Variants in ZW10 observed in about 807,000 individuals in gnomAD.
ZW10 encodes centromere/kinetochore protein zw10 homolog.
In ZW10, 53 loss-of-function variants were observed where a neutral mutation model predicts 87.8. That is an observed-to-expected ratio of 0.60 (90% CI 0.48 to 0.76). The LOEUF (loss-of-function observed/expected upper bound fraction) is 0.76, where lower values mean the gene tolerates loss of function less well. Ranked by LOEUF, ZW10 falls within the 30% of genes least tolerant of loss-of-function variation. The pLI, the probability that ZW10 is intolerant of heterozygous loss-of-function variation, is 0.00. For synonymous variants in ZW10, 312 were observed against 329.2 expected (o/e 0.95, Z 0.57); for missense variants, 837 against 923.0 (o/e 0.91, Z 1.21).
chr11:113,756,836 G>C (rs550631014), intron 7 of ZW10, among the ~76,000 whole-genome samples: 1 of 152,114 alleles, frequency 6.6e-6, no homozygotes, highest in East Asian at 1.9e-4. Flanking sequence ...TCCTCCCTAA[G>C]GGAAGGCTCT....
At chr11:113,768,590 T>G (rs1441898691) in intron 2 of ZW10, among the ~76,000 whole-genome samples, 1 of 152,196 alleles carries the variant, frequency 6.6e-6, no homozygotes, top group African/African-American at 2.4e-5. Context: ...AGTGCTGGGA[T>G]TACAGGCATG....
At chr11:113,759,335 G>C (rs923413912) in intron 5 of ZW10, among the ~76,000 whole-genome samples, 1 of 151,978 alleles carries the variant, frequency 6.6e-6, no homozygotes, top group South Asian at 2.1e-4. Flanking sequence ...TATTCTACTT[G>C]AGAACAGAAT....
In ZW10 at chr11:113,747,639, C is replaced by T; in HGVS notation, c.1164G>A (p.Leu388=). The part of the protein sequence containing the change: ...MRFLKGDTTD[L]LKYARNINSH... Reference sequence around the variant, plus strand: ...AATTGATGTTACGAGCGTATTTCAGCAAATCTGTAGTATCTCCTTTTAAAA... The same window carrying T: ...AATTGATGTTACGAGCGTATTTCAGTAAATCTGTAGTATCTCCTTTTAAAA... Residue 388 remains leucine, a synonymous_variant, in exon 9 of 16, where the codon TTG becomes TTA. Coordinates refer to ENST00000200135, the MANE Select transcript of ZW10 (RefSeq NM_004724.4). The T allele has an allele frequency of 6.2e-7, 1 of 1,613,684 alleles. No homozygotes were observed. The highest frequency in any genetic ancestry group is 1.3e-5 in the African/African-American group (1 of 75,012).
chr11:113,742,390 A>G (rs1953629789), intron 10 of ZW10, among the ~76,000 whole-genome samples: 1 of 152,242 alleles, frequency 6.6e-6, no homozygotes, highest in African/African-American at 2.4e-5. Context: ...ACGTACCTTA[A>G]AAGCTTACAG....
chr11:113,757,018 T>C (rs768184972), intron 7 of ZW10, among the ~76,000 whole-genome samples: 2 of 152,112 alleles, frequency 1.3e-5, no homozygotes, highest in Non-Finnish European at 2.9e-5. Context: ...GGAGCATTTC[T>C]TTTTTACTTT....
At chr11:113,749,683 A>C (rs1315028193) in intron 7 of ZW10, among the ~76,000 whole-genome samples, 2 of 152,186 alleles carry the variant, frequency 1.3e-5, no homozygotes, top group Non-Finnish European at 2.9e-5. Flanking sequence ...GAGGCACGAG[A>C]CCTCTCTGTA....
At position 113,758,712 on chromosome 11, in the gene ZW10, A is replaced by C. The variant is rs778627339; in HGVS notation, c.581-6T>G. 20 of 1,613,406 alleles carry C rather than the reference A, an allele frequency of 1.2e-5. No homozygotes were observed. Among genetic ancestry groups the C allele is most frequent in the Non-Finnish European group, 1.6e-5 (19 of 1,179,734 alleles). On this transcript the variant is annotated splice_polypyrimidine_tract_variant and splice_region_variant and intron_variant, in intron 5 of 15. Coordinates refer to ENST00000200135, the MANE Select transcript of ZW10 (RefSeq NM_004724.4). Reference sequence around the variant, plus strand: ...AGATTCCAAACTGCTGGTATCTAAGAAAAAGGAAGAAAAATATCAGCTGTC... The same window carrying C: ...AGATTCCAAACTGCTGGTATCTAAGCAAAAGGAAGAAAAATATCAGCTGTC...
At chr11:113,749,147 C>G (rs1953710573) in intron 7 of ZW10, among the ~76,000 whole-genome samples, 1 of 151,944 alleles carries the variant, frequency 6.6e-6, no homozygotes, top group African/African-American at 2.4e-5. Context: ...TCAAATCCAG[C>G]CTGGGCAACA....
At chr11:113,741,203 C>T (rs918930859) in intron 11 of ZW10, among the ~76,000 whole-genome samples, 3 of 151,778 alleles carry the variant, frequency 2.0e-5, no homozygotes, top group African/African-American at 4.8e-5. Context: ...TAATCTCAAA[C>T]TTCTGGCCTC....
intron 1 of ZW10, chr11:113,769,784 C>A: frequency 2.4e-6 from 1 of 423,972 alleles, no homozygotes; most frequent in Non-Finnish European, 4.6e-6. Flanking sequence ...TTTGCCATAC[C>A]AACTAAGCTG....
intron 2 of ZW10, among the ~76,000 whole-genome samples, chr11:113,762,202 C>T (rs528508732): frequency 1.3e-5 from 2 of 152,286 alleles, no homozygotes; most frequent in East Asian, 1.9e-4. Context: ...TAAACCCATA[C>T]AGCATGTTAC....
At chr11:113,743,147 G>A (rs17115920) in intron 10 of ZW10, among the ~76,000 whole-genome samples, 22,770 of 152,184 alleles carry the variant, frequency 0.15, 1,815 homozygotes, top group South Asian at 0.2. Flanking sequence ...TTAAGGTAAC[G>A]TGAATGCAAT....
chr11:113,758,347 CAA>C (rs561325713), intron 6 of ZW10, among the ~76,000 whole-genome samples: 1 of 109,190 alleles, frequency 9.2e-6, no homozygotes. Flanking sequence ...ATTCAAAAAC[CAA>C]AAAAAAAAAT....
intron 7 of ZW10, 77 bp from the exon 8 acceptor site, chr11:113,748,497 C>G: frequency 7.6e-7 from 1 of 1,319,014 alleles, no homozygotes; most frequent in African/African-American, 1.5e-5. Flanking sequence ...TTCTAGAATT[C>G]TTTAATTTTA....
At chr11:113,773,229 T>C (rs1374358359) in intron 1 of ZW10, among the ~76,000 whole-genome samples, 1 of 151,728 alleles carries the variant, frequency 6.6e-6, no homozygotes, top group Non-Finnish European at 1.5e-5. Flanking sequence ...TGCTGGTCTC[T>C]TCAGTCTCCC....
At position 113,733,829 on chromosome 11, in the gene ZW10, A is replaced by C; in HGVS notation, c.2220-15T>G. ...CATCTGCCCACCTGCAAAACGAAAG[A>C]TAGAGTTCCATTTCCTATTAGGTCT... On this transcript the variant is annotated splice_polypyrimidine_tract_variant and intron_variant, in intron 15 of 15. Coordinates refer to ENST00000200135, the MANE Select transcript of ZW10 (RefSeq NM_004724.4). The C allele has an allele frequency of 6.3e-7, 1 of 1,587,128 alleles. No individual in the cohort carries two copies. The highest frequency in any genetic ancestry group is 8.6e-7 in the Non-Finnish European group (1 of 1,166,984).
chr11:113,748,885 G>A (rs568369282), intron 7 of ZW10, among the ~76,000 whole-genome samples: 34 of 152,278 alleles, frequency 2.2e-4, no homozygotes, highest in Middle Eastern at 3.4e-3. Context: ...CTCCTCTACA[G>A]TATATGTTAT....
Position 113,760,634 on chromosome 11 carries a change from G to T in ZW10, c.343-44C>A, listed in dbSNP as rs1591420698. The T allele has an allele frequency of 3.3e-6, 5 of 1,494,766 alleles. No individual in the cohort carries two copies. In the East Asian group the frequency reaches 9.1e-5, roughly 27 times the overall value. The allele number at this position is 1,494,766 out of a possible 1,614,324, so 92.6% of individuals were successfully genotyped here. A position where few individuals can be genotyped will look rare whatever the true frequency, so the allele number is the denominator to read the frequency against. ...TATTTTATACATCCTATTATTTCAA[G>T]TCTGTTTGCTTTTAAACATTAAGAA... On this transcript the variant is annotated intron_variant, in intron 3 of 15. Transcript: ENST00000200135.
intron 1 of ZW10, among the ~76,000 whole-genome samples, chr11:113,772,603 T>A (rs1167136585): frequency 2.6e-5 from 4 of 152,106 alleles, no homozygotes; most frequent in Non-Finnish European, 4.4e-5. Flanking sequence ...TTTGTATCAA[T>A]CTCAAGGCAG....
Sources: allele counts gnomAD v4.1 joint callset (sites outside exome capture counted in the v4.1 genomes callset), GRCh38; gene constraint gnomAD v4.1.1; transcripts MANE v1.5; gene names NCBI Gene and HGNC (gene_info 2026-07-23, HGNC 2026-07-21).